PLCH2: variants seen among roughly 807,000 people sequenced by gnomAD.
PLCH2 encodes 1-phosphatidylinositol 4,5-bisphosphate phosphodiesterase eta-2.
PLCH2 carries 98 observed loss-of-function variants against 134.7 expected under a neutral mutation model. The observed-to-expected ratio is 0.73, with a 90% CI of 0.62 to 0.86. PLCH2 has a LOEUF of 0.86. Among genes scored for constraint, PLCH2 ranks in the 40% least tolerant of loss-of-function variants. The probability of loss-of-function intolerance (pLI) is 0.00; values close to 1 mark genes in which losing one functional copy is unlikely to be tolerated. For synonymous variants in PLCH2, 974 were observed against 827.5 expected (o/e 1.18, Z -3.04); for missense variants, 1,994 against 1,986.6 (o/e 1.00, Z -0.07).
chr1:2,499,259 A>C (rs1643077311), intron 19 of PLCH2, 29 bp downstream of exon 19: 2 of 1,609,986 alleles, frequency 1.2e-6, no homozygotes, highest in Non-Finnish European at 1.7e-6. Flanking sequence ...GGTGCCCCCC[A>C]CACTGGCCGA....
intron 5 of PLCH2, among the ~76,000 whole-genome samples, chr1:2,485,073 C>T (rs1232987960): frequency 4.6e-5 from 7 of 152,128 alleles, no homozygotes; most frequent in Non-Finnish European, 1.0e-4. Context: ...TGACTCGCTC[C>T]CCTAGGGTGC....
intron 5 of PLCH2, among the ~76,000 whole-genome samples, chr1:2,486,658 G>T (rs1193330925): frequency 6.6e-6 from 1 of 152,268 alleles, no homozygotes; most frequent in Non-Finnish European, 1.5e-5. Flanking sequence ...GTCTCGCACT[G>T]GTGTGGGGTG....
chr1:2,417,711 G>A, the PLCH2 span, among the ~76,000 whole-genome samples: 1 of 152,180 alleles, frequency 6.6e-6, no homozygotes, highest in African/African-American at 2.4e-5. Context: ...GCCACCTCCT[G>A]AGGCACTGCC....
chr1:2,419,516 G>A, the PLCH2 span, among the ~76,000 whole-genome samples: 18 of 152,216 alleles, frequency 1.2e-4, no homozygotes, highest in African/African-American at 4.1e-4. Context: ...TGACAGAGGC[G>A]CCTCCCATGG....
chr1:2,488,334 G>C (rs1215096863), intron 8 of PLCH2, among the ~76,000 whole-genome samples: 1 of 152,204 alleles, frequency 6.6e-6, no homozygotes, highest in African/African-American at 2.4e-5. Context: ...GCGGGGATGG[G>C]GGGAGGAGAG....
At chr1:2,417,309 C>T in the PLCH2 span, among the ~76,000 whole-genome samples, 14 of 152,174 alleles carry the variant, frequency 9.2e-5, no homozygotes, top group Non-Finnish European at 1.8e-4. Flanking sequence ...AGAGACTTTG[C>T]ACTGGTAAGA....
At chr1:2,447,216 G>C (rs543754090) in intron 2 of PLCH2, among the ~76,000 whole-genome samples, 3 of 152,222 alleles carry the variant, frequency 2.0e-5, no homozygotes, top group Non-Finnish European at 2.9e-5. Flanking sequence ...AGCAACCTGA[G>C]GGGCTTCCAG....
At chr1:2,471,229 A>T (rs955309962) in intron 1 of PLCH2, among the ~76,000 whole-genome samples, 1 of 152,106 alleles carries the variant, frequency 6.6e-6, no homozygotes, top group Non-Finnish European at 1.5e-5. Context: ...CCTTACTGAG[A>T]TGGGGACCTG....
At chr1:2,445,932 C>T (rs997200235) in intron 2 of PLCH2, among the ~76,000 whole-genome samples, 4 of 152,224 alleles carry the variant, frequency 2.6e-5, no homozygotes, top group African/African-American at 4.8e-5. Context: ...TAGCTGCTGT[C>T]GCACCCACAG....
chr1:2,483,941 T>C (rs1234094873), intron 4 of PLCH2, among the ~76,000 whole-genome samples: 1 of 56,716 alleles, frequency 1.8e-5, no homozygotes, highest in African/African-American at 7.6e-5. Flanking sequence ...GACTCCCGTG[T>C]GGGTGGCGCT....
upstream of PLCH2, among the ~76,000 whole-genome samples, chr1:2,421,561 G>A (rs1288757388): frequency 2.0e-5 from 3 of 152,266 alleles, no homozygotes; most frequent in Non-Finnish European, 2.9e-5. Flanking sequence ...TGGAAATGCC[G>A]TATGATACTG....
At chr1:2,434,131 G>T (rs1639204677) in intron 2 of PLCH2, among the ~76,000 whole-genome samples, 1 of 152,268 alleles carries the variant, frequency 6.6e-6, no homozygotes, top group Non-Finnish European at 1.5e-5. Context: ...TGATGTATGT[G>T]CACCGAGCTC....
chr1:2,491,942 G>A (rs554469220), intron 11 of PLCH2, among the ~76,000 whole-genome samples: 5 of 151,990 alleles, frequency 3.3e-5, no homozygotes, highest in South Asian at 2.1e-4. Context: ...AGCTGTGGCC[G>A]GCAGATCCCG....
At position 2,439,987 on chromosome 1, in the gene PLCH2, G is replaced by A. The variant is rs76895166; in HGVS notation, c.115+9358G>A. ...GGAGGCTTCCCAGAGGAGGTGCCTC[G>A]TTCCTGACCTTGGAAACCAGGCAGG... On this transcript the variant is annotated intron_variant, in intron 2 of 3. Coordinates refer to the PLCH2 transcript ENST00000609981. The surrounding 1 kb of genome is among the most constrained non-coding windows in gnomAD (Gnocchi z 4.7). 2.0e-4 allele frequency among the ~76,000 whole-genome samples: 31 copies of A among 152,240 alleles called. No homozygotes were observed. Among genetic ancestry groups the A allele is most frequent in the African/African-American group, 3.1e-4 (13 of 41,544 alleles).
In PLCH2 at chr1:2,489,351, G is replaced by T. The variant is rs765158941; in HGVS notation, c.1380G>T (p.Gln460His). 2.4e-5 allele frequency: 39 copies of T among 1,613,644 alleles called. No individual in the cohort carries two copies. The African/African-American group carries it at 3.6e-4, about 15-fold the overall frequency. ...SEDATTLPSP[Q>H]MLKGKILVKG... Reference sequence around the variant, plus strand: ...ATGCCACCACACTCCCCTCTCCACAGATGCTCAAGGGCAAGATCCTCGTGA... The same window carrying T: ...ATGCCACCACACTCCCCTCTCCACATATGCTCAAGGGCAAGATCCTCGTGA... Residue 460 changes from glutamine to histidine, a missense_variant, in exon 9 of 22, where the codon CAG becomes CAT. Gln to His is a conservative substitution (Grantham distance 24). Transcript: ENST00000378486.
At chr1:2,489,469 C>A (rs1642449649) in intron 9 of PLCH2, 91 bp downstream of exon 9, 1 of 1,366,996 alleles carries the variant, frequency 7.3e-7, no homozygotes, top group South Asian at 1.3e-5. Context: ...GGCATCATGC[C>A]ATCCATGGGC....
chr1:2,476,837 T>C lies in PLCH2; in HGVS notation c.124+125T>C, dbSNP rs1356030114. Reference sequence around the variant, plus strand: ...CATCCCATCCTGCACTCGCCTCCCCTGTCCCCCGGGTGCTCTAGGGATCAT... The same window carrying C: ...CATCCCATCCTGCACTCGCCTCCCCCGTCCCCCGGGTGCTCTAGGGATCAT... On this transcript the variant is annotated intron_variant, in intron 1 of 21. Coordinates refer to ENST00000378486, the MANE Select transcript of PLCH2 (RefSeq NM_014638.4). 1.3e-5 allele frequency: 13 copies of C among 1,025,764 alleles called. No homozygotes were observed. In the East Asian group the frequency reaches 3.6e-4, roughly 28 times the overall value. The allele number at this position is 1,025,764 out of a possible 1,614,324, so 63.5% of individuals were successfully genotyped here. A position where few individuals can be genotyped will look rare whatever the true frequency, so the allele number is the denominator to read the frequency against.
At chr1:2,471,881 C>G (rs1311958204), upstream of PLCH2, among the ~76,000 whole-genome samples, 1 of 152,186 alleles carries the variant, frequency 6.6e-6, no homozygotes, top group African/African-American at 2.4e-5. Context: ...TGGGGTCAGG[C>G]CCTTCCCTCC....
In PLCH2 at chr1:2,487,456, G is replaced by T. The variant is rs139235009; in HGVS notation, c.1114+80G>T. 9,067 of 1,477,096 alleles carry T rather than the reference G, an allele frequency of 6.1e-3. 27 individuals carry two copies. The highest frequency in any genetic ancestry group is 7.1e-3 in the Non-Finnish European group (7,719 of 1,080,092). The allele number at this position is 1,477,096 out of a possible 1,614,324, so 91.5% of individuals were successfully genotyped here. A position where few individuals can be genotyped will look rare whatever the true frequency, so the allele number is the denominator to read the frequency against. On this transcript the variant is annotated intron_variant, in intron 7 of 21. Coordinates refer to ENST00000378486, the MANE Select transcript of PLCH2 (RefSeq NM_014638.4). ...GGCTGCACCTGAGGAGCCCCCGGGG[G>T]GATCTCTGGGCAGGGGCTGGGAAGG...
Sources: allele counts gnomAD v4.1 joint callset (sites outside exome capture counted in the v4.1 genomes callset), GRCh38; gene constraint gnomAD v4.1.1; non-coding constraint Gnocchi (gnomAD v3.1); transcripts MANE v1.5; gene names NCBI Gene and HGNC (gene_info 2026-07-23, HGNC 2026-07-21).